The following PPL variants were observed in gnomAD, a reference collection of about 807,000 sequenced individuals.
PPL encodes periplakin, also known as 190 kDa paraneoplastic pemphigus antigen.
In PPL, 198 loss-of-function variants were observed where a neutral mutation model predicts 194.4. The ratio of observed to expected loss-of-function variants is 1.02; its 90% CI spans 0.91 to 1.15. The LOEUF (loss-of-function observed/expected upper bound fraction) is 1.15, where lower values mean the gene tolerates loss of function less well. Ranked by LOEUF, PPL falls within the 50% of genes most tolerant of loss-of-function variation. The pLI, the probability that PPL is intolerant of heterozygous loss-of-function variation, is 0.00. For synonymous variants in PPL, 1,220 were observed against 972.4 expected (o/e 1.25, Z -4.74); for missense variants, 2,885 against 2,294.8 (o/e 1.26, Z -5.25).
intron 12 of PPL, 47 bp downstream of exon 12, chr16:4,894,420 C>T (rs1458612220): frequency 1.2e-6 from 2 of 1,600,338 alleles, no homozygotes; most frequent in East Asian, 2.2e-5. Context: ...CTGAGAAGCC[C>T]TGGGGGTGGG....
chr16:4,930,594 C>T (rs1023595450), intron 1 of PPL, among the ~76,000 whole-genome samples: 2 of 152,204 alleles, frequency 1.3e-5, no homozygotes, highest in South Asian at 4.1e-4. Context: ...GGCAGCCACA[C>T]AGCCACATGT....
chr16:4,895,910 GGCCTCACTGGGAAAA>G (rs1388576008), intron 9 of PPL, among the ~76,000 whole-genome samples, 194 bp from the exon 10 acceptor site: 1 of 152,156 alleles, frequency 6.6e-6, no homozygotes, highest in Non-Finnish European at 1.5e-5. Context: ...GCTCCTTAGG[GGCCTCACTGGGAAAA>G]GCCAGGTCCC....
intron 1 of PPL, among the ~76,000 whole-genome samples, chr16:4,933,768 G>T (rs369012965): frequency 9.2e-5 from 14 of 152,284 alleles, no homozygotes; most frequent in African/African-American, 3.1e-4. Context: ...GGTTGTCCAC[G>T]TCTCCTCCAC....
chr16:4,931,064 T>G (rs1004738262), intron 1 of PPL, among the ~76,000 whole-genome samples: 4 of 151,966 alleles, frequency 2.6e-5, no homozygotes, highest in African/African-American at 4.8e-5. Context: ...GAAGTGGGGA[T>G]CCATTTAAAG....
At position 4,885,817 on chromosome 16, in the gene PPL, C is replaced by T. The variant is rs61744952; in HGVS notation, c.2838G>A (p.Leu946=). The T allele has an allele frequency of 1.0e-3, 1,640 of 1,608,530 alleles. 20 individuals carry two copies. The African/African-American group carries it at 0.02, about 19-fold the overall frequency. Residue 946 remains leucine (L), a synonymous_variant, in exon 22 of 22, where the codon CTG becomes CTA. Transcript: ENST00000345988. The surrounding 1 kb of genome is among the most constrained non-coding windows in gnomAD (Gnocchi z 6.3). ...EVLKKVPDPV[L]EESFQQLQRT... ...GCTGCAGCTGCTGGAAGCTCTCCTCCAGCACGGGATCCGGCACCTTCTTGA... is the reference window on the plus strand; with the variant it reads ...GCTGCAGCTGCTGGAAGCTCTCCTCTAGCACGGGATCCGGCACCTTCTTGA...
At chr16:4,895,173 C>T (rs2088399469) in intron 11 of PPL, 88 bp downstream of exon 11, 19 of 1,446,868 alleles carry the variant, frequency 1.3e-5, no homozygotes, top group Middle Eastern at 1.8e-4. Context: ...GGCACAGGCT[C>T]CTGAGAACGG....
chr16:4,932,532 C>T (rs545682624), intron 1 of PPL, among the ~76,000 whole-genome samples: 41 of 151,958 alleles, frequency 2.7e-4, no homozygotes, highest in African/African-American at 9.4e-4. Context: ...GCCTCAGCCT[C>T]CCCAGTATCT....
chr16:4,920,405 G>A (rs769090370), intron 1 of PPL, among the ~76,000 whole-genome samples: 30 of 144,518 alleles, frequency 2.1e-4, no homozygotes, highest in Non-Finnish European at 3.9e-4. Flanking sequence ...ACACCTTTGT[G>A]GTTCAAGGAC....
chr16:4,920,278 GT>G lies in PPL; in HGVS notation c.63-9330del, dbSNP rs147336722. Reference sequence around the variant, plus strand: ...CAGTCTGGCAACAGAACAAGACTCTGTCTCAAAAAAAGAAAGAAAGAAAGAA... The same window carrying G: ...CAGTCTGGCAACAGAACAAGACTCTGCTCAAAAAAAGAAAGAAAGAAAGAA... On this transcript the variant is annotated intron_variant, in intron 1 of 21. Transcript: ENST00000345988. Among the ~76,000 whole-genome samples, 1,358 of 142,408 alleles carry G rather than the reference GT, an allele frequency of 9.5e-3. 26 individuals carry two copies. The highest frequency in any genetic ancestry group is 0.03 in the African/African-American group (1,156 of 38,244). The allele number at this position is 142,408 out of a possible 152,430, so 93.4% of individuals were successfully genotyped here. A position where few individuals can be genotyped will look rare whatever the true frequency, so the allele number is the denominator to read the frequency against.
chr16:4,919,943 C>CA (rs959744851), intron 1 of PPL, among the ~76,000 whole-genome samples: 23 of 151,432 alleles, frequency 1.5e-4, no homozygotes, highest in African/African-American at 5.1e-4. Context: ...AAATTAAAAC[C>CA]AAAAAAAGTG....
chr16:4,909,765 G>C (rs1306385909), intron 2 of PPL, among the ~76,000 whole-genome samples: 1 of 152,144 alleles, frequency 6.6e-6, no homozygotes, highest in African/African-American at 2.4e-5. Flanking sequence ...GCATAGGGAT[G>C]CCAGATGAAA....
intron 2 of PPL, among the ~76,000 whole-genome samples, chr16:4,908,693 C>T (rs1460813516): frequency 2.0e-5 from 3 of 150,300 alleles, no homozygotes; most frequent in Non-Finnish European, 3.0e-5. Context: ...ACACACACCA[C>T]CACACCTGGC....
chr16:4,903,960 C>A lies in PPL; in HGVS notation c.243G>T (p.Leu81=). ...TLQKVLDSEK[L]LYVLEADAAI... is the part of the protein sequence containing the mutation. Reference sequence around the variant, plus strand: ...CCGCATCCGCCTCTAGCACATAGAGCAGCTTCTCAGAGTCCAACACCTTCT... The same window carrying A: ...CCGCATCCGCCTCTAGCACATAGAGAAGCTTCTCAGAGTCCAACACCTTCT... The change falls in exon 3 of 22, where the codon CTG becomes CTT. Residue 81 remains leucine (L), a synonymous_variant. Coordinates refer to ENST00000345988, the MANE Select transcript of PPL (RefSeq NM_002705.5). The A allele has an allele frequency of 1.2e-6, 2 of 1,614,046 alleles. No homozygotes were observed. Among genetic ancestry groups the A allele is most frequent in the Admixed American group, 1.7e-5 (1 of 60,024 alleles).
At chr16:4,936,319 G>A (rs1478187463) in intron 1 of PPL, among the ~76,000 whole-genome samples, 3 of 152,184 alleles carry the variant, frequency 2.0e-5, no homozygotes, top group African/African-American at 4.8e-5. Context: ...GTAAGGGGGT[G>A]CCTCCCCCTG....
Position 4,893,563 on chromosome 16 carries a change from C to G in PPL, c.1470G>C (p.Val490=). 1 of 1,612,566 alleles carries G rather than the reference C, an allele frequency of 6.2e-7. No homozygotes were observed. The highest frequency in any genetic ancestry group is 1.3e-5 in the African/African-American group (1 of 75,038). ...SKRTLQQRYE[V]LKTENPGDAS... is the part of the protein sequence containing the mutation. ...CACCTCCGGGATTCTCGGTCTTCAG[C>G]ACCTCATACCGCTGCTGCAGCGTGC... Residue 490 remains valine, a synonymous_variant, in exon 13 of 22, where the codon GTG becomes GTC. Transcript: ENST00000345988.
In PPL at chr16:4,903,907, T is replaced by C; in HGVS notation, c.296A>G (p.Gln99Arg). ...CTACTCCTCGGCGATCATGTCCCCC[T>C]GTGGGTGCTTCATGTGCTTGGCAAT... ...AAIAKHMKHP[Q>R]GDMIAEDIRQ... is the part of the protein sequence containing the mutation. The change falls in exon 3 of 22, where the codon CAG (glutamine) becomes CGG (arginine). Residue 99 changes from glutamine to arginine, a missense_variant. By Grantham distance (43) the Gln-to-Arg change is conservative (BLOSUM62 1). Transcript: ENST00000345988. The C allele has an allele frequency of 6.2e-7, 1 of 1,614,046 alleles. No individual in the cohort carries two copies. Among genetic ancestry groups the C allele is most frequent in the African/African-American group, 1.3e-5 (1 of 75,040 alleles).
In PPL at chr16:4,885,679, G is replaced by A. The variant is rs568677812; in HGVS notation, c.2976C>T (p.Tyr992=). 15 of 1,613,056 alleles carry A rather than the reference G, an allele frequency of 9.3e-6. No homozygotes were observed. The highest frequency in any genetic ancestry group is 8.9e-5 in the East Asian group (4 of 44,808). The change falls in exon 22 of 22, where the codon TAC becomes TAT. Residue 992 remains tyrosine (Y), a synonymous_variant. Coordinates refer to ENST00000345988, the MANE Select transcript of PPL (RefSeq NM_002705.5). The surrounding 1 kb of genome is among the most constrained non-coding windows in gnomAD (Gnocchi z 6.3). ...CGATGCGCAGGACCTCCTTGACCAC[G>A]TACTCCTGCCCCCCGTCTCTGGTCT... ...EQETRDGGQE[Y]VVKEVLRIEP...
chr16:4,923,621 G>A (rs78326968), intron 1 of PPL, among the ~76,000 whole-genome samples: 3,443 of 152,286 alleles, frequency 0.023, 127 homozygotes, highest in African/African-American at 0.079. Flanking sequence ...GGAGGAAACT[G>A]AGGCAGCCTG....
intron 1 of PPL, among the ~76,000 whole-genome samples, chr16:4,913,490 C>G (rs2088860126): frequency 6.6e-6 from 1 of 152,154 alleles, no homozygotes; most frequent in Non-Finnish European, 1.5e-5. Context: ...TAAGTCTGAA[C>G]AAAGGTTTGT....
Sources: allele counts gnomAD v4.1 joint callset (sites outside exome capture counted in the v4.1 genomes callset), GRCh38; gene constraint gnomAD v4.1.1; non-coding constraint Gnocchi (gnomAD v3.1); transcripts MANE v1.5; gene names NCBI Gene and HGNC (gene_info 2026-07-23, HGNC 2026-07-21).